Variants in CSMD1 observed in about 807,000 individuals in gnomAD.
CSMD1 encodes the protein CUB and Sushi multiple domains 1.
A neutral mutation model predicts 417.5 loss-of-function variants in CSMD1; 213 were observed. That is an observed-to-expected ratio of 0.51 (90% confidence interval 0.46 to 0.57). The LOEUF (loss-of-function observed/expected upper bound fraction) is 0.57, where lower values mean the gene tolerates loss of function less well. Among genes scored for constraint, CSMD1 ranks in the 20% least tolerant of loss-of-function variants. CSMD1 has a pLI of 0.00. For synonymous variants in CSMD1, 2,862 were observed against 1,736.8 expected (o/e 1.65, Z -16.11); for missense variants, 6,923 against 4,529.7 (o/e 1.53, Z -15.17).
At chr8:4,689,251 G>A (rs180887325) in intron 1 of CSMD1, among the ~76,000 whole-genome samples, 12 of 152,154 alleles carry the variant, frequency 7.9e-5, no homozygotes. Flanking sequence ...AAGCGTAACA[G>A]TATGGAAACA....
rs572636556 is a variant in CSMD1 at position 4,893,367 on chromosome 8, T to C, written c.85+100965A>G. Among the ~76,000 whole-genome samples, 204 of 152,246 alleles carry C rather than the reference T, an allele frequency of 1.3e-3. 1 individual carries two copies. The highest frequency in any genetic ancestry group is 4.8e-3 in the African/African-American group (201 of 41,526). ...TTTTCTGTCACTTTTTTAACTTTGT[T>C]TACCATGCTTTTATTAATACAGAAT... On this transcript the variant is annotated intron_variant, in intron 1 of 69. Transcript: ENST00000635120.
At chr8:3,719,748 C>G (rs1368036854) in intron 6 of CSMD1, among the ~76,000 whole-genome samples, 1 of 152,154 alleles carries the variant, frequency 6.6e-6, no homozygotes, top group Non-Finnish European at 1.5e-5. Context: ...ATACTGGCTG[C>G]TTTCCATTCC....
chr8:4,141,932 T>A (rs898082912), intron 3 of CSMD1, among the ~76,000 whole-genome samples: 7 of 151,136 alleles, frequency 4.6e-5, no homozygotes, highest in African/African-American at 1.7e-4. Flanking sequence ...TTTGCTATGC[T>A]ATCCAAAATA....
intron 2 of CSMD1, among the ~76,000 whole-genome samples, chr8:4,585,473 G>A (rs1367402853): frequency 6.6e-6 from 1 of 151,922 alleles, no homozygotes; most frequent in African/African-American, 2.4e-5. Flanking sequence ...TTCCTCATAA[G>A]GAGAAAAAAG....
intron 1 of CSMD1, among the ~76,000 whole-genome samples, chr8:4,908,734 C>CA (rs1554517277): frequency 0.028 from 346 of 12,218 alleles, no homozygotes; most frequent in African/African-American, 0.069. Context: ...ATGTTATTTT[C>CA]TAGTAATTCA....
chr8:4,771,533 C>G (rs947007271), intron 1 of CSMD1, among the ~76,000 whole-genome samples: 2 of 152,206 alleles, frequency 1.3e-5, no homozygotes, highest in African/African-American at 4.8e-5. Context: ...TATTAGTTTG[C>G]TGCTAGGCAT....
chr8:3,826,487 G>C (rs867025852), intron 5 of CSMD1, among the ~76,000 whole-genome samples: 2 of 152,048 alleles, frequency 1.3e-5, no homozygotes, highest in South Asian at 4.1e-4. Context: ...CCTAGGCAGG[G>C]GGACCATGAA....
chr8:4,002,060 GATT>G (rs1288340838), intron 4 of CSMD1, among the ~76,000 whole-genome samples: 1 of 152,084 alleles, frequency 6.6e-6, no homozygotes, highest in Non-Finnish European at 1.5e-5. Flanking sequence ...TATAGTAGAA[GATT>G]ATTAAGATAG....
Position 3,157,917 on chromosome 8 carries a change from T to C in CSMD1, c.5894A>G (p.Tyr1965Cys), listed in dbSNP as rs1440742294. The C allele has an allele frequency of 3.9e-6, 6 of 1,554,548 alleles. No homozygotes were observed. Among genetic ancestry groups the C allele is most frequent in the African/African-American group, 1.4e-5 (1 of 73,130 alleles). Reference sequence around the variant, plus strand: ...CTTACCAATGCACAGGGGAGACGGATAGTTCCAACGGCGAACGGTCCCTGG... The same window carrying C: ...CTTACCAATGCACAGGGGAGACGGACAGTTCCAACGGCGAACGGTCCCTGG... ...CMPGTVRRWNYPSPLCIATCG... is the reference protein window; with the variant it reads ...CMPGTVRRWNCPSPLCIATCG... Residue 1965 changes from tyrosine to cysteine, a missense_variant, in exon 39 of 70, where the codon TAT becomes TGT. Physicochemically the swap from Tyr to Cys is radical, Grantham distance 194 (BLOSUM62 -2). Transcript: ENST00000635120.
rs527427474 is a variant in CSMD1 at position 3,222,874 on chromosome 8, G to A, written c.4484+855C>T. On this transcript the variant is annotated intron_variant, in intron 28 of 69. Coordinates refer to ENST00000635120, the MANE Select transcript of CSMD1 (RefSeq NM_033225.6). ...TCTACTGACTCAGATCTCATCAGGA[G>A]GAGAAAGTGAGGGTATGTAAACACA... Among the ~76,000 whole-genome samples the A allele has an allele frequency of 2.9e-4, 44 of 152,250 alleles. No individual in the cohort carries two copies. In the South Asian group the frequency reaches 7.1e-3, roughly 24 times the overall value.
At position 3,876,511 on chromosome 8, in the gene CSMD1, G is replaced by A. The variant is rs1055818578; in HGVS notation, c.818+121392C>T. On this transcript the variant is annotated intron_variant, in intron 5 of 69. Coordinates refer to ENST00000635120, the MANE Select transcript of CSMD1 (RefSeq NM_033225.6). ...AATATGTAAGTGTGTAAGTGTGGAT[G>A]TAATTTATTAGGAGAAATTTATTCA... Among the ~76,000 whole-genome samples, 8 of 152,176 alleles carry A rather than the reference G, an allele frequency of 5.3e-5. No homozygotes were observed. In the East Asian group the frequency reaches 7.7e-4, roughly 15 times the overall value.
intron 1 of CSMD1, among the ~76,000 whole-genome samples, chr8:4,744,110 G>C (rs1438300690): frequency 6.6e-6 from 1 of 152,174 alleles, no homozygotes; most frequent in African/African-American, 2.4e-5. Flanking sequence ...TAATACAAAA[G>C]CTAATACGCA....
intron 3 of CSMD1, among the ~76,000 whole-genome samples, chr8:4,117,892 G>C (rs370367767): frequency 1.4e-5 from 2 of 141,778 alleles, no homozygotes; most frequent in African/African-American, 5.3e-5. Flanking sequence ...CAAAGTAGAG[G>C]AAAGACATTT....
chr8:4,908,468 G>C (rs1805445702), intron 1 of CSMD1, among the ~76,000 whole-genome samples: 1 of 151,912 alleles, frequency 6.6e-6, no homozygotes, highest in South Asian at 2.1e-4. Context: ...TCTTCTTTTA[G>C]TATTCCAATG....
intron 1 of CSMD1, among the ~76,000 whole-genome samples, chr8:4,719,060 G>A (rs913501213): frequency 6.6e-6 from 1 of 152,092 alleles, no homozygotes; most frequent in Non-Finnish European, 1.5e-5. Flanking sequence ...AGAAAAAAAA[G>A]AGAGAGAGCT....
chr8:3,390,450 A>G (rs1003748442), intron 17 of CSMD1, among the ~76,000 whole-genome samples: 12 of 151,356 alleles, frequency 7.9e-5, no homozygotes, highest in African/African-American at 2.2e-4. Context: ...CAGTCTGTGG[A>G]CACAGGTAGC....
In CSMD1 at chr8:3,694,708, G is replaced by A. The variant is rs561914614; in HGVS notation, c.1009+13706C>T. Among the ~76,000 whole-genome samples, 8 of 151,918 alleles carry A rather than the reference G, an allele frequency of 5.3e-5. No individual in the cohort carries two copies. In the South Asian group the frequency reaches 1.7e-3, roughly 32 times the overall value. On this transcript the variant is annotated intron_variant, in intron 7 of 69. Coordinates refer to ENST00000635120, the MANE Select transcript of CSMD1 (RefSeq NM_033225.6). ...CTGTGGGCTTTAGAGGGAATGAAAGGGGAGAACCTGGAGGAAGCAGGTGCC... is the reference window on the plus strand; with the variant it reads ...CTGTGGGCTTTAGAGGGAATGAAAGAGGAGAACCTGGAGGAAGCAGGTGCC...
intron 37 of CSMD1, 63 bp from the exon 38 acceptor site, chr8:3,162,340 T>C: frequency 9.3e-7 from 1 of 1,073,698 alleles, no homozygotes; most frequent in Non-Finnish European, 1.4e-6. Context: ...ATCATTTGAA[T>C]AACCAAAGTT....
chr8:3,833,477 T>G (rs1291240041), intron 5 of CSMD1, among the ~76,000 whole-genome samples: 3 of 152,132 alleles, frequency 2.0e-5, no homozygotes, highest in Non-Finnish European at 4.4e-5. Context: ...GCTATCTTAT[T>G]TTCCTACTAT....
Sources: gnomAD v4.1 joint callset for allele counts (sites outside exome capture counted in the v4.1 genomes callset) on GRCh38, gnomAD v4.1.1 for gene constraint, MANE v1.5 for transcripts, NCBI Gene and HGNC (gene_info 2026-07-23, HGNC 2026-07-21) for gene names.